The following GMDS variants were observed in gnomAD, a reference collection of about 807,000 sequenced individuals.
GMDS encodes the protein GDP-mannose 4,6-dehydratase.
Under a neutral mutation model 49.9 loss-of-function variants are expected in GMDS, and 20 were observed. The ratio of observed to expected loss-of-function variants is 0.40; its 90% confidence interval spans 0.28 to 0.58. The LOEUF (loss-of-function observed/expected upper bound fraction) is 0.58, where lower values mean the gene tolerates loss of function less well. Among genes scored for constraint, GMDS ranks in the 20% least tolerant of loss-of-function variants. The pLI, the probability that GMDS is intolerant of heterozygous loss-of-function variation, is 0.42. For synonymous variants in GMDS, 177 were observed against 178.6 expected (o/e 0.99, Z 0.07); for missense variants, 362 against 481.4 (o/e 0.75, Z 2.32).
intron 7 of GMDS, among the ~76,000 whole-genome samples, chr6:1,747,949 A>G (rs1213650295): frequency 6.6e-6 from 1 of 152,246 alleles, no homozygotes; most frequent in Non-Finnish European, 1.5e-5. Context: ...AACAGAAAAA[A>G]AAAGATAATA....
intron 1 of GMDS, among the ~76,000 whole-genome samples, chr6:2,154,862 G>GAAAAAAAAAAA (rs1562103386): frequency 6.2e-4 from 21 of 33,834 alleles, no homozygotes; most frequent in African/African-American, 1.5e-3. Context: ...TTGAAGAGAT[G>GAAAAAAAAAAA]CAAAAAAAAA....
intron 9 of GMDS, among the ~76,000 whole-genome samples, chr6:1,641,414 A>G (rs1484679152): frequency 6.6e-6 from 1 of 152,248 alleles, no homozygotes; most frequent in Non-Finnish European, 1.5e-5. Context: ...ATGGACAGGA[A>G]AAAAGCTTTA....
intron 1 of GMDS, among the ~76,000 whole-genome samples, chr6:2,222,845 G>A (rs1780653849): frequency 6.6e-6 from 1 of 152,184 alleles, no homozygotes; most frequent in Admixed American, 6.5e-5. Context: ...CACCTGCCTA[G>A]ATGTTGCTCT....
rs548214701 is a variant in GMDS at position 2,194,381 on chromosome 6, T to C, written c.102+50940A>G. Among the ~76,000 whole-genome samples, 31 of 152,348 alleles carry C rather than the reference T, an allele frequency of 2.0e-4. 1 individual carries two copies. Among genetic ancestry groups the C allele is most frequent in the African/African-American group, 6.5e-4 (27 of 41,582 alleles). On this transcript the variant is annotated intron_variant, in intron 1 of 10. Coordinates refer to ENST00000380815, the MANE Select transcript of GMDS (RefSeq NM_001500.4). ...AGAGTGAAGAAAGTTGGGGAAAATA[T>C]GCTTCATGATTCTTAAAGGTCGATT... is the stretch of plus-strand genomic sequence containing the variant.
At chr6:1,654,160 G>T (rs1763800666) in intron 9 of GMDS, among the ~76,000 whole-genome samples, 1 of 152,152 alleles carries the variant, frequency 6.6e-6, no homozygotes, top group Admixed American at 6.5e-5. Context: ...CTGATGATTG[G>T]AATGTAAAAC....
chr6:2,214,442 TA>T (rs1348304034), intron 1 of GMDS, among the ~76,000 whole-genome samples: 7 of 152,180 alleles, frequency 4.6e-5, no homozygotes, highest in Non-Finnish European at 1.0e-4. Context: ...CATTATTCCC[TA>T]AACAATACAG....
At chr6:1,951,884 G>A in intron 6 of GMDS, 2 of 985,032 alleles carry the variant, frequency 2.0e-6, no homozygotes, top group Non-Finnish European at 2.4e-6. Flanking sequence ...ACAAAGATAA[G>A]AGCAGCTGAG....
intron 7 of GMDS, among the ~76,000 whole-genome samples, chr6:1,840,892 T>C (rs1446073391): frequency 6.6e-6 from 1 of 152,228 alleles, no homozygotes; most frequent in Non-Finnish European, 1.5e-5. Flanking sequence ...TCACCGGATC[T>C]GGCAGCCACT....
At chr6:1,817,187 G>C (rs1405177924) in intron 7 of GMDS, among the ~76,000 whole-genome samples, 2 of 151,390 alleles carry the variant, frequency 1.3e-5, no homozygotes, top group African/African-American at 2.4e-5. Context: ...ATGCCTTCCT[G>C]TTCTAATACA....
At chr6:1,949,986 T>C (rs973534099) in intron 6 of GMDS, among the ~76,000 whole-genome samples, 11 of 152,230 alleles carry the variant, frequency 7.2e-5, no homozygotes, top group African/African-American at 2.7e-4. Context: ...GTATTTGCTA[T>C]TGGTTTGCCT....
intron 1 of GMDS, among the ~76,000 whole-genome samples, chr6:2,217,336 T>A (rs752847441): frequency 2.6e-5 from 4 of 152,124 alleles, no homozygotes; most frequent in Non-Finnish European, 4.4e-5. Context: ...TTGCCTGTAA[T>A]AGAGAGCTGC....
chr6:1,839,704 G>T (rs1254548765), intron 7 of GMDS, among the ~76,000 whole-genome samples: 1 of 152,128 alleles, frequency 6.6e-6, no homozygotes, highest in Non-Finnish European at 1.5e-5. Context: ...TAAAATCATG[G>T]GCTTCACAAT....
At chr6:2,234,285 C>T (rs1425270844) in intron 1 of GMDS, among the ~76,000 whole-genome samples, 4 of 152,138 alleles carry the variant, frequency 2.6e-5, no homozygotes, top group Non-Finnish European at 5.9e-5. Flanking sequence ...AAAAAGCAGA[C>T]TCTCTTAAAT....
intron 4 of GMDS, among the ~76,000 whole-genome samples, chr6:1,987,577 T>C (rs1424197695): frequency 6.6e-6 from 1 of 152,118 alleles, no homozygotes; most frequent in Non-Finnish European, 1.5e-5. Flanking sequence ...GCTTACATTC[T>C]AGTGAGAGGA....
chr6:2,233,509 C>A (rs1039070528), intron 1 of GMDS, among the ~76,000 whole-genome samples: 3 of 152,208 alleles, frequency 2.0e-5, no homozygotes, highest in African/African-American at 7.2e-5. Context: ...GTGTTCTATG[C>A]TCTAACAAAC....
chr6:2,194,044 A>T (rs1474042086), intron 1 of GMDS, among the ~76,000 whole-genome samples: 3 of 152,084 alleles, frequency 2.0e-5, no homozygotes, highest in Non-Finnish European at 2.9e-5. Flanking sequence ...TTTTTTAAAA[A>T]AAAAGAAGCA....
intron 4 of GMDS, among the ~76,000 whole-genome samples, chr6:2,042,243 T>TG (rs1554151529): frequency 6.6e-6 from 1 of 152,242 alleles, no homozygotes; most frequent in Non-Finnish European, 1.5e-5. Context: ...AGTGAATACC[T>TG]TAAAGTATTC....
intron 4 of GMDS, among the ~76,000 whole-genome samples, chr6:2,015,534 T>A (rs151243785): frequency 7.9e-5 from 12 of 152,258 alleles, no homozygotes; most frequent in Non-Finnish European, 1.5e-4. Context: ...TGTATAGTAT[T>A]GAATGCAACA....
intron 4 of GMDS, among the ~76,000 whole-genome samples, chr6:1,981,779 A>G (rs1334231086): frequency 6.6e-6 from 1 of 152,184 alleles, no homozygotes; most frequent in African/African-American, 2.4e-5. Context: ...CCTCAACCAA[A>G]TACTGGCAAA....
Sources: allele counts gnomAD v4.1 joint callset (sites outside exome capture counted in the v4.1 genomes callset), GRCh38; gene constraint gnomAD v4.1.1; transcripts MANE v1.5; gene names NCBI Gene and HGNC (gene_info 2026-07-23, HGNC 2026-07-21).